Variants in GYG2 observed in about 807,000 individuals in gnomAD.
The protein encoded by GYG2 is glycogenin 2.
A neutral mutation model predicts 29.4 loss-of-function variants in GYG2; 29 were observed. That is an observed-to-expected ratio of 0.99 (90% CI 0.74 to 1.35). The LOEUF (loss-of-function observed/expected upper bound fraction) is 1.35, where lower values mean the gene tolerates loss of function less well. Ranked by LOEUF, GYG2 falls within the 40% of genes most tolerant of loss-of-function variation. The pLI is 0.00. For synonymous variants in GYG2, 167 were observed against 172.3 expected (o/e 0.97, Z 0.24); for missense variants, 370 against 385.7 (o/e 0.96, Z 0.34).
intron 1 of GYG2, 84 bp downstream of exon 1, chrX:2,829,059 CT>C (rs1468572503): frequency 2.2e-5 from 2 of 88,939 alleles, no homozygotes; most frequent in African/African-American, 4.2e-5. Flanking sequence ...GGCGCAGAGG[CT>C]GCCCGAACGC....
Position 2,881,846 on chromosome X carries a change from A to G in GYG2, c.*633A>G, listed in dbSNP as rs2088727200. On this transcript the variant is annotated 3_prime_UTR_variant, in exon 11 of 11. Coordinates refer to ENST00000398806, the MANE Select transcript of GYG2 (RefSeq NM_001079855.2). ...CTACTCGTGGACGTTGGGAAGAAAG[A>G]TTGTAGGTGGCTTGGGGAATGTGGG... 1 of 111,442 alleles carries G rather than the reference A, an allele frequency of 9.0e-6. No individual in the cohort carries two copies. Among genetic ancestry groups the G allele is most frequent in the Non-Finnish European group, 1.9e-5 (1 of 53,060 alleles). The allele number at this position is 111,442 out of a possible 1,213,427, so 9.2% of individuals were successfully genotyped here.
intron 6 of GYG2, among the ~76,000 whole-genome samples, chrX:2,857,189 G>GATATCTATCTAGACCTAT (rs1569065054): frequency 1.9e-5 from 2 of 106,982 alleles, no homozygotes; most frequent in Non-Finnish European, 3.9e-5. Flanking sequence ...TCTAGACCTA[G>GATATCTATCTAGACCTAT]ATATCTATCT....
At chrX:2,834,029 C>T (rs12396748) in intron 2 of GYG2, among the ~76,000 whole-genome samples, 22,380 of 111,445 alleles carry the variant, frequency 0.2, 1,680 homozygotes, top group African/African-American at 0.26. Flanking sequence ...CTTTGTAATC[C>T]GGGCCCTCTG....
At chrX:2,851,249 T>C (rs1041768863) in intron 3 of GYG2, among the ~76,000 whole-genome samples, 6 of 111,392 alleles carry the variant, frequency 5.4e-5, no homozygotes, top group Admixed American at 9.6e-5. Flanking sequence ...TGTTTGTTGT[T>C]GTTGTTGTTG....
At chrX:2,856,792 T>TATCTATC (rs372983480) in intron 6 of GYG2, among the ~76,000 whole-genome samples, 168 bp downstream of exon 6, 9 of 61,390 alleles carry the variant, frequency 1.5e-4, no homozygotes, top group African/African-American at 2.1e-4. Context: ...ATCTATCATC[T>TATCTATC]ATCTATCATC....
chrX:2,880,684 G>T (rs937477310), intron 10 of GYG2, among the ~76,000 whole-genome samples: 1 of 111,500 alleles, frequency 9.0e-6, no homozygotes, highest in African/African-American at 3.3e-5. Flanking sequence ...AAGGCAAGAG[G>T]ATTGCTTGAG....
Position 2,861,087 on chromosome X carries a change from G to T in GYG2, c.838-435G>T, listed in dbSNP as rs1033157414. Among the ~76,000 whole-genome samples, 20 of 109,950 alleles carry T rather than the reference G, an allele frequency of 1.8e-4. No homozygotes were observed. In the East Asian group the frequency reaches 5.1e-3, roughly 28 times the overall value. On this transcript the variant is annotated intron_variant, in intron 7 of 10. Coordinates refer to ENST00000398806, the MANE Select transcript of GYG2 (RefSeq NM_001079855.2). ...ACAACAGAGTCTGCTATCAGCACAT[G>T]CATTGCCTGGGAAATTGAAAAGAAT...
At chrX:2,838,452 C>CCCCCCCCTTCCCCCTT (rs2087425998) in intron 2 of GYG2, among the ~76,000 whole-genome samples, 1 of 72,705 alleles carries the variant, frequency 1.4e-5, no homozygotes, top group Non-Finnish European at 2.6e-5. Flanking sequence ...CCCCTCCCCT[C>CCCCCCCCTTCCCCCTT]CCCTCCCTTC....
At chrX:2,878,671 A>G (rs1055617763) in intron 10 of GYG2, among the ~76,000 whole-genome samples, 15 of 111,904 alleles carry the variant, frequency 1.3e-4, no homozygotes, top group African/African-American at 4.9e-4. Context: ...GTATAGGGAA[A>G]GCCCTAGTTA....
At chrX:2,877,352 C>T (rs1208028816) in intron 10 of GYG2, 45 bp downstream of exon 10, 1 of 1,194,811 alleles carries the variant, frequency 8.4e-7, no homozygotes, top group South Asian at 1.8e-5. Flanking sequence ...CCGGTGGGGG[C>T]CATCCACCGT....
At chrX:2,868,705 C>G (rs779066444) in intron 8 of GYG2, among the ~76,000 whole-genome samples, 19 of 110,278 alleles carry the variant, frequency 1.7e-4, no homozygotes, top group Non-Finnish European at 3.6e-4. Context: ...AGCATCAGGA[C>G]AAATAGCTAA....
At chrX:2,873,827 C>T (rs1318851710) in intron 8 of GYG2, among the ~76,000 whole-genome samples, 2 of 111,434 alleles carry the variant, frequency 1.8e-5, no homozygotes, top group African/African-American at 3.3e-5. Flanking sequence ...CATGGTGACT[C>T]ACCTGTAATT....
intron 2 of GYG2, among the ~76,000 whole-genome samples, chrX:2,839,881 A>G (rs772992470): frequency 8.9e-6 from 1 of 112,523 alleles, no homozygotes; most frequent in East Asian, 2.8e-4. Flanking sequence ...AAGCGGACTC[A>G]TGGTTGCCAG....
chrX:2,859,543 A>G (rs1339505118), intron 6 of GYG2, among the ~76,000 whole-genome samples: 1 of 110,788 alleles, frequency 9.0e-6, no homozygotes, highest in Non-Finnish European at 1.9e-5. Context: ...GATTACATGC[A>G]TTGATAGTAG....
At chrX:2,856,410 A>C (rs1168598078) in intron 5 of GYG2, 88 bp from the exon 6 acceptor site, 3 of 824,398 alleles carry the variant, frequency 3.6e-6, no homozygotes, top group Admixed American at 2.6e-5. Context: ...GCAAGTGTTT[A>C]TGTTGAGAGC....
intron 3 of GYG2, among the ~76,000 whole-genome samples, chrX:2,849,072 C>T (rs140934236): frequency 6.6e-4 from 73 of 111,307 alleles, no homozygotes; most frequent in African/African-American, 2.4e-3. Flanking sequence ...GCAGGGAAAC[C>T]TGCTTTAAAC....
chrX:2,857,745 C>G (rs1267868774), intron 6 of GYG2, among the ~76,000 whole-genome samples: 1 of 111,309 alleles, frequency 9.0e-6, no homozygotes, highest in African/African-American at 3.3e-5. Context: ...TAAATGATAG[C>G]TAGCCAAGGC....
chrX:2,875,338 C>G (rs752089827), intron 8 of GYG2, among the ~76,000 whole-genome samples: 1 of 111,427 alleles, frequency 9.0e-6, no homozygotes, highest in Non-Finnish European at 1.9e-5. Flanking sequence ...ATGGACCATC[C>G]TTGGGAGAGT....
At chrX:2,878,844 A>G (rs2147280746) in intron 10 of GYG2, among the ~76,000 whole-genome samples, 1 of 111,826 alleles carries the variant, frequency 8.9e-6, no homozygotes, top group East Asian at 2.8e-4. Flanking sequence ...TTTCTTGGAT[A>G]CTCATCTCTT....
Sources: gnomAD v4.1 joint callset for allele counts (sites outside exome capture counted in the v4.1 genomes callset) on GRCh38, gnomAD v4.1.1 for gene constraint, MANE v1.5 for transcripts, NCBI Gene and HGNC (gene_info 2026-07-23, HGNC 2026-07-21) for gene names.